CSMD2: variants seen among roughly 807,000 people sequenced by gnomAD.
The protein encoded by CSMD2 is CUB and sushi domain-containing protein 2.
A neutral mutation model predicts 398.5 loss-of-function variants in CSMD2; 130 were observed. The ratio of observed to expected loss-of-function variants is 0.33; its 90% CI spans 0.28 to 0.38. The LOEUF (loss-of-function observed/expected upper bound fraction) is 0.38, where lower values mean the gene tolerates loss of function less well. Ranked by LOEUF, CSMD2 falls within the 10% of genes least tolerant of loss-of-function variation. The probability of loss-of-function intolerance (pLI) is 1.00; values close to 1 mark genes in which losing one functional copy is unlikely to be tolerated. For synonymous variants in CSMD2, 1,828 were observed against 1,908.5 expected (o/e 0.96, Z 1.10); for missense variants, 3,829 against 4,764.9 (o/e 0.80, Z 5.78).
At chr1:33,995,534 C>T (rs748558671) in intron 3 of CSMD2, among the ~76,000 whole-genome samples, 26 of 152,158 alleles carry the variant, frequency 1.7e-4, no homozygotes, top group Admixed American at 3.9e-4. Flanking sequence ...TCTCTGCAAC[C>T]GGCCTCTGGG....
chr1:34,040,700 T>C (rs1002985281), intron 2 of CSMD2, among the ~76,000 whole-genome samples: 3 of 152,182 alleles, frequency 2.0e-5, no homozygotes, highest in Non-Finnish European at 2.9e-5. Context: ...TAACACTTAG[T>C]GACATGGCAA....
chr1:33,963,459 A>C (rs1479080932), intron 3 of CSMD2, among the ~76,000 whole-genome samples: 1 of 152,244 alleles, frequency 6.6e-6, no homozygotes, highest in Admixed American at 6.5e-5. Flanking sequence ...GTTACATTTT[A>C]AAGTATGTAT....
chr1:34,147,465 G>A (rs969365253), intron 1 of CSMD2, among the ~76,000 whole-genome samples: 1 of 151,944 alleles, frequency 6.6e-6, no homozygotes, highest in Non-Finnish European at 1.5e-5. Flanking sequence ...CTAGGAGCCG[G>A]CAGAGATGCT....
At chr1:33,839,749 T>C (rs1390006109) in intron 6 of CSMD2, 2 of 152,182 alleles carry the variant, frequency 1.3e-5, no homozygotes, top group African/African-American at 2.4e-5. Context: ...AAAGATATCA[T>C]TTGGGTGTTT....
Position 33,519,746 on chromosome 1 carries a change from G to C in CSMD2, c.10736+66C>G, listed in dbSNP as rs147373387. The C allele has an allele frequency of 6.8e-5, 110 of 1,612,370 alleles. No individual in the cohort carries two copies. The East Asian group carries it at 2.1e-3, about 31-fold the overall frequency. On this transcript the variant is annotated intron_variant, in intron 69 of 70. Coordinates refer to ENST00000373381, the MANE Select transcript of CSMD2 (RefSeq NM_001281956.2). The surrounding 1 kb of genome is among the most constrained non-coding windows in gnomAD (Gnocchi z 5.6). The stretch of plus-strand genomic sequence containing the variant: ...ACAGAGAGGCTTAGGGGTCTGGTGC[G>C]GGGGGCCCTGGAGGGAGAGAGGGAG...
intron 19 of CSMD2, 106 bp downstream of exon 19, chr1:33,724,091 A>C (rs1646445481): frequency 2.7e-6 from 2 of 750,342 alleles, no homozygotes; most frequent in East Asian, 4.9e-5. Flanking sequence ...GACGAAGCCC[A>C]GAGGTCACTA....
At chr1:33,677,493 C>A (rs1393754383) in intron 25 of CSMD2, among the ~76,000 whole-genome samples, 2 of 152,186 alleles carry the variant, frequency 1.3e-5, no homozygotes, top group African/African-American at 4.8e-5. Flanking sequence ...AATAGGAACA[C>A]TTTTACACTG....
chr1:34,009,159 T>C (rs535746483), intron 3 of CSMD2, among the ~76,000 whole-genome samples: 1 of 152,226 alleles, frequency 6.6e-6, no homozygotes, highest in South Asian at 2.1e-4. Context: ...TTCTCTTTTT[T>C]CCAGCAAGCT....
chr1:34,150,134 T>G (rs1418053682), intron 1 of CSMD2, among the ~76,000 whole-genome samples: 3 of 147,958 alleles, frequency 2.0e-5, no homozygotes, highest in Non-Finnish European at 4.4e-5. Context: ...CAGGCTAGAG[T>G]GCAGTGGTGC....
intron 3 of CSMD2, among the ~76,000 whole-genome samples, chr1:34,009,841 A>T (rs1239534716): frequency 1.3e-5 from 2 of 152,040 alleles, no homozygotes; most frequent in Admixed American, 1.3e-4. Flanking sequence ...ACTCAACCCT[A>T]GTCTCTCCCC....
chr1:33,536,709 C>T (rs553794030), intron 62 of CSMD2, among the ~76,000 whole-genome samples: 3 of 149,624 alleles, frequency 2.0e-5, no homozygotes, highest in East Asian at 4.1e-4. Context: ...GGGTGGGCAC[C>T]GTGAGGACAG....
chr1:33,589,382 C>G (rs1449870534), intron 44 of CSMD2, among the ~76,000 whole-genome samples: 2 of 152,188 alleles, frequency 1.3e-5, no homozygotes, highest in African/African-American at 4.8e-5. Flanking sequence ...ACAAGAACAA[C>G]CAAAACAAAT....
At chr1:33,723,374 A>G (rs909012798) in intron 19 of CSMD2, among the ~76,000 whole-genome samples, 1 of 152,254 alleles carries the variant, frequency 6.6e-6, no homozygotes, top group African/African-American at 2.4e-5. Flanking sequence ...TGTATTTGCC[A>G]AACTGCAAGA....
chr1:34,160,024 C>A (rs1023867804), intron 1 of CSMD2, among the ~76,000 whole-genome samples: 1 of 152,166 alleles, frequency 6.6e-6, no homozygotes, highest in Admixed American at 6.5e-5. Context: ...CAAGGCTCTG[C>A]GGAGCAATCA....
At chr1:33,756,426 G>A (rs763355202) in intron 13 of CSMD2, among the ~76,000 whole-genome samples, 3 of 152,104 alleles carry the variant, frequency 2.0e-5, no homozygotes, top group Non-Finnish European at 2.9e-5. Flanking sequence ...AAGAGGTGAC[G>A]AAAAAAGGAA....
rs544217352 is a variant in CSMD2 at position 33,985,080 on chromosome 1, T to C, written c.517+47514A>G. On this transcript the variant is annotated intron_variant, in intron 3 of 70. Transcript: ENST00000373381. The stretch of plus-strand genomic sequence containing the variant: ...TTGCTATCGTACATGGACCTCAGAA[T>C]CCATCATATTCAAGCCAAGTGTGTG... 2.1e-4 allele frequency among the ~76,000 whole-genome samples: 32 copies of C among 152,218 alleles called. 1 individual carries two copies. In the South Asian group the frequency reaches 6.7e-3, roughly 32 times the overall value.
chr1:33,658,085 C>G lies in CSMD2; in HGVS notation c.4308G>C (p.Arg1436=), dbSNP rs1644008051. ...CGCCGGCTTCCCAACTGTCACCACTCCGACTCCCATTCTGCGGGATCCCAG... is the reference window on the plus strand; with the variant it reads ...CGCCGGCTTCCCAACTGTCACCACTGCGACTCCCATTCTGCGGGATCCCAG... ...NDPGIPQNGS[R]SGDSWEAGDS... The change falls in exon 27 of 71, where the codon CGG becomes CGC. Residue 1436 remains arginine (R), a synonymous_variant. Transcript: ENST00000373381. The G allele has an allele frequency of 6.2e-7, 1 of 1,614,220 alleles. No homozygotes were observed. The highest frequency in any genetic ancestry group is 1.3e-5 in the African/African-American group (1 of 75,052).
chr1:33,525,091 C>A (rs1330710246), intron 65 of CSMD2, 48 bp from the exon 66 acceptor site: 1 of 1,599,910 alleles, frequency 6.3e-7, no homozygotes, highest in African/African-American at 1.3e-5. Context: ...TGTGTGCTGC[C>A]AGAATTGGGG....
At chr1:33,529,654 A>C (rs984769085) in intron 64 of CSMD2, among the ~76,000 whole-genome samples, 5 of 152,274 alleles carry the variant, frequency 3.3e-5, no homozygotes, top group African/African-American at 1.2e-4. Flanking sequence ...AAAGACATAA[A>C]TCTAAGAAGT....
Sources: allele counts gnomAD v4.1 joint callset (sites outside exome capture counted in the v4.1 genomes callset), GRCh38; gene constraint gnomAD v4.1.1; non-coding constraint Gnocchi (gnomAD v3.1); transcripts MANE v1.5; gene names NCBI Gene and HGNC (gene_info 2026-07-23, HGNC 2026-07-21).